CTNNA2: variants seen among roughly 807,000 people sequenced by gnomAD.
CTNNA2 encodes catenin alpha-2.
Under a neutral mutation model 101.0 loss-of-function variants are expected in CTNNA2, and 42 were observed. That is an observed-to-expected ratio of 0.42 (90% CI 0.32 to 0.54). The LOEUF is 0.54. Ranked by LOEUF, CTNNA2 falls within the 20% of genes least tolerant of loss-of-function variation. CTNNA2 has a pLI of 0.14. For synonymous variants in CTNNA2, 450 were observed against 456.4 expected (o/e 0.99, Z 0.18); for missense variants, 871 against 1,223.1 (o/e 0.71, Z 4.29).
At chr2:79,959,398 A>G (rs978243080) in intron 7 of CTNNA2, among the ~76,000 whole-genome samples, 7 of 152,238 alleles carry the variant, frequency 4.6e-5, no homozygotes, top group African/African-American at 1.7e-4. Flanking sequence ...CAATTTCATT[A>G]CTTATGACCA....
chr2:80,154,392 C>T (rs552966217), intron 7 of CTNNA2, among the ~76,000 whole-genome samples: 4 of 152,196 alleles, frequency 2.6e-5, no homozygotes, highest in South Asian at 2.1e-4. Context: ...CTACTGCTAC[C>T]GGGGAGATAG....
intron 7 of CTNNA2, among the ~76,000 whole-genome samples, chr2:80,190,223 G>A (rs1168453340): frequency 6.6e-6 from 1 of 151,984 alleles, no homozygotes; most frequent in Non-Finnish European, 1.5e-5. Context: ...GTGACATGGG[G>A]TTTTACTAGG....
chr2:80,008,964 A>G (rs1330664361), intron 7 of CTNNA2, among the ~76,000 whole-genome samples: 1 of 152,192 alleles, frequency 6.6e-6, no homozygotes, highest in Non-Finnish European at 1.5e-5. Context: ...ACTTTCCGAG[A>G]CACTGAAATG....
chr2:80,430,589 T>C (rs1681401714), intron 9 of CTNNA2, among the ~76,000 whole-genome samples: 1 of 152,152 alleles, frequency 6.6e-6, no homozygotes, highest in Non-Finnish European at 1.5e-5. Flanking sequence ...CTCACCATAA[T>C]AAAATCATAA....
intron 1 of CTNNA2, among the ~76,000 whole-genome samples, chr2:79,563,218 A>G (rs1287460102): frequency 2.0e-5 from 3 of 148,034 alleles, no homozygotes; most frequent in African/African-American, 7.6e-5. Flanking sequence ...ACTATTTTCT[A>G]TTTGATGTGC....
intron 18 of CTNNA2, among the ~76,000 whole-genome samples, chr2:80,620,188 G>A (rs926832111): frequency 6.6e-6 from 1 of 151,686 alleles, no homozygotes; most frequent in Non-Finnish European, 1.5e-5. Flanking sequence ...TTTTCTTAGG[G>A]TGGGATGAAA....
chr2:79,748,145 A>G (rs1441879515), intron 3 of CTNNA2, among the ~76,000 whole-genome samples: 1 of 152,090 alleles, frequency 6.6e-6, no homozygotes, highest in Non-Finnish European at 1.5e-5. Flanking sequence ...TCATTATGTA[A>G]TCCCCTTAGC....
chr2:79,428,102 C>A (rs756953050), intron 4 of CTNNA2, among the ~76,000 whole-genome samples: 2 of 151,964 alleles, frequency 1.3e-5, no homozygotes, highest in Non-Finnish European at 2.9e-5. Flanking sequence ...TTCCTTAAGG[C>A]AGATCTTTTT....
intron 15 of CTNNA2, among the ~76,000 whole-genome samples, chr2:80,600,151 G>T (rs191810982): frequency 1.2e-4 from 19 of 152,014 alleles, no homozygotes; most frequent in African/African-American, 4.6e-4. Context: ...GGGACAATTG[G>T]TTACTGGTTG....
upstream of CTNNA2, among the ~76,000 whole-genome samples, chr2:79,509,599 G>A (rs1469779772): frequency 6.6e-6 from 1 of 152,154 alleles, no homozygotes; most frequent in East Asian, 1.9e-4. Flanking sequence ...CCAGGGGTTA[G>A]GAGCAAGAAA....
chr2:79,574,640 C>T (rs1675676063), intron 1 of CTNNA2, among the ~76,000 whole-genome samples: 1 of 152,084 alleles, frequency 6.6e-6, no homozygotes, highest in African/African-American at 2.4e-5. Flanking sequence ...TAGTTTGATT[C>T]CATGTCTGTG....
rs528734016 is a variant in CTNNA2, at chr2:79,565,467, TGTCTCA to T, written c.-6+52263_-6+52268del. The stretch of plus-strand genomic sequence containing the variant: ...CTCCAGGGACCCCTTTATACTTGGC[TGTCTCA>T]GTGAGAGCATGTCTGGGCAGGAAGA... On this transcript the variant is annotated intron_variant, in intron 1 of 18. Transcript: ENST00000402739. 1.8e-4 allele frequency among the ~76,000 whole-genome samples: 27 copies of T among 152,264 alleles called. No homozygotes were observed. The East Asian group carries it at 5.2e-3, about 29-fold the overall frequency.
intron 7 of CTNNA2, among the ~76,000 whole-genome samples, chr2:80,338,023 CTG>C (rs1671905906): frequency 6.6e-6 from 1 of 151,770 alleles, no homozygotes; most frequent in Non-Finnish European, 1.5e-5. Context: ...GAGTGTCACT[CTG>C]TTGCCCAGGC....
At chr2:80,178,721 C>T (rs544444662) in intron 7 of CTNNA2, among the ~76,000 whole-genome samples, 1 of 152,178 alleles carries the variant, frequency 6.6e-6, no homozygotes, top group African/African-American at 2.4e-5. Flanking sequence ...TCCAAATAGA[C>T]CCACTTAGCA....
rs560894176 is a variant in CTNNA2, at chr2:80,402,080, C to G, written c.1137+8789C>G. 6.2e-4 allele frequency among the ~76,000 whole-genome samples: 95 copies of G among 152,286 alleles called. 1 individual carries two copies. The highest frequency in any genetic ancestry group is 9.7e-4 in the Non-Finnish European group (66 of 68,032). On this transcript the variant is annotated intron_variant, in intron 8 of 18. Coordinates refer to ENST00000402739, the MANE Select transcript of CTNNA2 (RefSeq NM_001282597.3). ...TATACATTGGGGGATTCCCATTATCCCTCCCTCAGGTCCACCTAATTTGCC... is the reference window on the plus strand; with the variant it reads ...TATACATTGGGGGATTCCCATTATCGCTCCCTCAGGTCCACCTAATTTGCC...
intron 7 of CTNNA2, among the ~76,000 whole-genome samples, chr2:80,058,898 G>A (rs532902712): frequency 5.9e-5 from 9 of 151,986 alleles, no homozygotes; most frequent in South Asian, 4.2e-4. Context: ...CAGGAAATGC[G>A]TGTCAGCCAA....
intron 3 of CTNNA2, among the ~76,000 whole-genome samples, chr2:79,340,577 T>C (rs533706141): frequency 1.3e-5 from 2 of 152,164 alleles, no homozygotes; most frequent in African/African-American, 2.4e-5. Context: ...CTCACGCCTG[T>C]AATCCCAGCA....
intron 7 of CTNNA2, among the ~76,000 whole-genome samples, chr2:80,375,859 G>A (rs1675903950): frequency 6.7e-6 from 1 of 150,134 alleles, no homozygotes; most frequent in African/African-American, 2.4e-5. Context: ...CACCATGCCT[G>A]GCCTTCAAGT....
chr2:79,479,451 A>G (rs999933703), intron 4 of CTNNA2, among the ~76,000 whole-genome samples: 1 of 152,214 alleles, frequency 6.6e-6, no homozygotes, highest in Non-Finnish European at 1.5e-5. Context: ...AGAATGTTAT[A>G]TCTATTGCAT....
Sources: gnomAD v4.1 joint callset for allele counts (sites outside exome capture counted in the v4.1 genomes callset) on GRCh38, gnomAD v4.1.1 for gene constraint, MANE v1.5 for transcripts, NCBI Gene and HGNC (gene_info 2026-07-23, HGNC 2026-07-21) for gene names.